The following INKA2 variants were observed in gnomAD, a reference collection of about 807,000 sequenced individuals.
INKA2 encodes inka box actin regulator 2, also known as PAK4-inhibitor INKA2.
INKA2 carries 3 observed loss-of-function variants against 9.8 expected under a neutral mutation model. The observed-to-expected ratio is 0.31, with a 90% CI of 0.14 to 0.79. The LOEUF (loss-of-function observed/expected upper bound fraction) is 0.79, where lower values mean the gene tolerates loss of function less well. INKA2 is among the 30% of genes least tolerant of loss of function. INKA2 has a pLI of 0.62. For synonymous variants in INKA2, 147 were observed against 143.3 expected, an observed-to-expected ratio of 1.03 and a Z score of -0.18; for missense variants, 392 against 384.4, an observed-to-expected ratio of 1.02 and a Z score of -0.17.
At position 111,726,140 on chromosome 1, in the gene INKA2, T is replaced by A. The variant is rs1406566478; in HGVS notation, c.*828A>T. The A allele has an allele frequency of 7.5e-6, 3 of 398,510 alleles. No homozygotes were observed. The highest frequency in any genetic ancestry group is 1.3e-5 in the Non-Finnish European group (3 of 226,044). The allele number at this position is 398,510 out of a possible 1,614,324, so 24.7% of individuals were successfully genotyped here. ...TGTTCTGCCTCCTGGCTGCAGTTGT[T>A]CCTGGACATGTAGCATATCTAGGCT... On this transcript the variant is annotated 3_prime_UTR_variant, in exon 2 of 2. Transcript: ENST00000357260.
intron 1 of INKA2, among the ~76,000 whole-genome samples, chr1:111,729,966 C>G (rs1166749672): frequency 6.6e-6 from 1 of 152,256 alleles, no homozygotes; most frequent in Non-Finnish European, 1.5e-5. Context: ...GCTCTGTGCA[C>G]TTTCCCCAAG....
At chr1:111,728,902 G>GGTTTTT (rs1557909328) in intron 1 of INKA2, among the ~76,000 whole-genome samples, 1 of 47,016 alleles carries the variant, frequency 2.1e-5, no homozygotes, top group African/African-American at 7.4e-5. Context: ...GTGGAGCTAG[G>GGTTTTT]CTTTTTTTTT....
Position 111,727,574 on chromosome 1 carries a change from T to A in INKA2, c.288A>T (p.Gln96His), listed in dbSNP as rs1662813995. 6.2e-7 allele frequency: 1 copy of A among 1,612,448 alleles called. No homozygotes were observed. The highest frequency in any genetic ancestry group is 1.3e-5 in the African/African-American group (1 of 74,882). Reference sequence around the variant, plus strand: ...ACTTGGTGCTGCTGCCAAGAGAAGGTTGACTGGAGGGGGAACAGACTGTGG... The same window carrying A: ...ACTTGGTGCTGCTGCCAAGAGAAGGATGACTGGAGGGGGAACAGACTGTGG... ...ARPTVCSPSS[Q>H]PSLGSSTKFP... is the part of the protein sequence containing the mutation. Residue 96 changes from glutamine (Q) to histidine (H), a missense_variant, in exon 2 of 2, where the codon CAA (glutamine) becomes CAT (histidine). Physicochemically the swap from Gln to His is conservative, Grantham distance 24. Transcript: ENST00000357260.
intron 1 of INKA2, among the ~76,000 whole-genome samples, chr1:111,735,479 G>C (rs1343431031): frequency 6.6e-6 from 1 of 152,064 alleles, no homozygotes; most frequent in Non-Finnish European, 1.5e-5. Context: ...AGAAAACCAA[G>C]GCACAATGAG....
chr1:111,729,599 C>CT (rs1275081266), intron 1 of INKA2, among the ~76,000 whole-genome samples: 1 of 152,226 alleles, frequency 6.6e-6, no homozygotes. Flanking sequence ...CAGCTCCCTC[C>CT]CCAGCTCCTG....
At chr1:111,739,639 CG>C (rs1663098379), upstream of INKA2, among the ~76,000 whole-genome samples, 1 of 152,190 alleles carries the variant, frequency 6.6e-6, no homozygotes. Flanking sequence ...CAGGCTGTAC[CG>C]CGGCCCCCAA....
intron 1 of INKA2, among the ~76,000 whole-genome samples, chr1:111,728,070 C>CACACACACACACACACACACACACAA (rs1184555425): frequency 6.7e-6 from 1 of 148,278 alleles, no homozygotes; most frequent in Non-Finnish European, 1.5e-5. Context: ...CACACACACA[C>CACACACACACACACACACACACACAA]ACAGACATTT....
rs1662741681 is a variant in INKA2 at position 111,725,317 on chromosome 1, CT to C, written c.*1650del. ...AGGGGCAGTGGGAGGGTGTGCCCTC[CT>C]GGCTTGGTCAGCCCAAAAGAAGATC... On this transcript the variant is annotated 3_prime_UTR_variant, in exon 2 of 2. Transcript: ENST00000357260. The C allele has an allele frequency of 6.6e-6, 1 of 152,294 alleles. No individual in the cohort carries two copies. The highest frequency in any genetic ancestry group is 1.5e-5 in the Non-Finnish European group (1 of 68,108). 9.4% of individuals were successfully genotyped at this position (152,294 alleles called of 1,614,324 possible).
In INKA2 at chr1:111,724,951, G is replaced by A. The variant is rs1662735382; in HGVS notation, c.*2017C>T. The stretch of plus-strand genomic sequence containing the variant: ...GGGTCCTTCTAAGTTTGAGAGATGT[G>A]CACATTACCTGACAGACAGTGAGTG... On this transcript the variant is annotated 3_prime_UTR_variant, in exon 2 of 2. Coordinates refer to ENST00000357260, the MANE Select transcript of INKA2 (RefSeq NM_019099.5). The A allele has an allele frequency of 6.6e-6, 1 of 152,158 alleles. No homozygotes were observed. The highest frequency in any genetic ancestry group is 1.5e-5 in the Non-Finnish European group (1 of 68,036). The allele number at this position is 152,158 out of a possible 1,614,324, so 9.4% of individuals were successfully genotyped here.
chr1:111,739,242 TGC>T lies in INKA2; in HGVS notation c.-2_-1del, dbSNP rs1557912839. ...TCCATTTCCCTGCTCTCCATCGTCA[TGC>T]GCCCATTTGTCGGGTTCGGTTCAAA... On this transcript the variant is annotated 5_prime_UTR_variant, in exon 1 of 2. Coordinates refer to ENST00000357260, the MANE Select transcript of INKA2 (RefSeq NM_019099.5). 3 of 1,613,736 alleles carry T rather than the reference TGC, an allele frequency of 1.9e-6. No homozygotes were observed. The highest frequency in any genetic ancestry group is 1.7e-6 in the Non-Finnish European group (2 of 1,179,752).
rs910811615 is a variant in INKA2, at chr1:111,722,300, G to T, written c.*4668C>A. ...GGAGGGAATGGATTTTAGGAGGACAGCCACAGCACCTTTAGGCCATTAGTT... is the reference window on the plus strand; with the variant it reads ...GGAGGGAATGGATTTTAGGAGGACATCCACAGCACCTTTAGGCCATTAGTT... On this transcript the variant is annotated 3_prime_UTR_variant, in exon 2 of 2. Coordinates refer to ENST00000357260, the MANE Select transcript of INKA2 (RefSeq NM_019099.5). 1 of 152,480 alleles carries T rather than the reference G, an allele frequency of 6.6e-6. No individual in the cohort carries two copies. Among genetic ancestry groups the T allele is most frequent in the East Asian group, 1.9e-4 (1 of 5,190 alleles). 9.4% of individuals were successfully genotyped at this position (152,480 alleles called of 1,614,324 possible). A position where few individuals can be genotyped will look rare whatever the true frequency, so the allele number is the denominator to read the frequency against.
Position 111,725,475 on chromosome 1 carries a change from G to C in INKA2, c.*1493C>G, listed in dbSNP as rs1662746789. 1 of 152,510 alleles carries C rather than the reference G, an allele frequency of 6.6e-6. No homozygotes were observed. The highest frequency in any genetic ancestry group is 1.5e-5 in the Non-Finnish European group (1 of 68,272). 9.4% of individuals were successfully genotyped at this position (152,510 alleles called of 1,614,324 possible). A position where few individuals can be genotyped will look rare whatever the true frequency, so the allele number is the denominator to read the frequency against. On this transcript the variant is annotated 3_prime_UTR_variant, in exon 2 of 2. Coordinates refer to ENST00000357260, the MANE Select transcript of INKA2 (RefSeq NM_019099.5). The stretch of plus-strand genomic sequence containing the variant: ...GGGCCACGTGCCCAGAGTGGCTTTA[G>C]AGAAGCCGGAGCTGAGCTGCTGCCT...
At chr1:111,742,690 A>G (rs1027902382), upstream of INKA2, among the ~76,000 whole-genome samples, 1 of 152,292 alleles carries the variant, frequency 6.6e-6, no homozygotes, top group Non-Finnish European at 1.5e-5. Context: ...GCCAGCTCAC[A>G]TTCCATCCAT....
At chr1:111,736,201 G>A (rs1428678245) in intron 1 of INKA2, among the ~76,000 whole-genome samples, 1 of 152,150 alleles carries the variant, frequency 6.6e-6, no homozygotes, top group Non-Finnish European at 1.5e-5. Flanking sequence ...GAAGAAGTGT[G>A]TCAGCTGCTG....
At position 111,739,222 on chromosome 1, in the gene INKA2, T is replaced by C. The variant is rs780545542; in HGVS notation, c.21A>G (p.Glu7=). 4 of 1,613,622 alleles carry C rather than the reference T, an allele frequency of 2.5e-6. No homozygotes were observed. The highest frequency in any genetic ancestry group is 2.5e-6 in the Non-Finnish European group (3 of 1,179,710). The change falls in exon 1 of 2, where the codon GAA becomes GAG. Residue 7 remains glutamate, a synonymous_variant. Coordinates refer to ENST00000357260, the MANE Select transcript of INKA2 (RefSeq NM_019099.5). MTMESR[E]MDCYLRRLKQ... ...TGAGGCGACGGAGATAGCAGTCCAT[T>C]TCCCTGCTCTCCATCGTCATGCGCC... is the stretch of plus-strand genomic sequence containing the variant.
At chr1:111,742,279 T>G (rs1054060862), upstream of INKA2, among the ~76,000 whole-genome samples, 1 of 152,168 alleles carries the variant, frequency 6.6e-6, no homozygotes. Context: ...TCTAATACTT[T>G]ATACTCCTTA....
chr1:111,727,681 C>T lies in INKA2; in HGVS notation c.181G>A (p.Gly61Ser). The change falls in exon 2 of 2, where the codon GGT becomes AGT. Residue 61 changes from glycine to serine, a missense_variant. Physicochemically the swap from Gly to Ser is moderately conservative, Grantham distance 56. Transcript: ENST00000357260. ...ALEQLEISGGGPVPGSPEGPR... is the reference protein window; with the variant it reads ...ALEQLEISGGSPVPGSPEGPR... ...CCTTCAGGGCTGCCTGGCACAGGAC[C>T]CCCTCCAGAGATCTCCAGCTGTTCC... 5 of 1,612,582 alleles carry T rather than the reference C, an allele frequency of 3.1e-6. No homozygotes were observed. Among genetic ancestry groups the T allele is most frequent in the Non-Finnish European group, 4.2e-6 (5 of 1,179,182 alleles).
chr1:111,749,812 A>G (rs1663359020), intron 1 of INKA2, among the ~76,000 whole-genome samples: 1 of 152,170 alleles, frequency 6.6e-6, no homozygotes. Context: ...GGAGCTGAAT[A>G]TGATTAGCAG....
Position 111,727,719 on chromosome 1 carries a change from A to G in INKA2, c.143T>C (p.Val48Ala). 1 of 1,613,928 alleles carries G rather than the reference A, an allele frequency of 6.2e-7. No individual in the cohort carries two copies. The highest frequency in any genetic ancestry group is 1.1e-5 in the South Asian group (1 of 91,074). Residue 48 changes from valine (V) to alanine (A), a missense_variant, in exon 2 of 2, where the codon GTG becomes GCG. Val to Ala is a moderately conservative substitution (Grantham distance 64). Coordinates refer to ENST00000357260, the MANE Select transcript of INKA2 (RefSeq NM_019099.5). The stretch of plus-strand genomic sequence containing the variant: ...CTCCAGCTGTTCCAGTGCTGTCTGC[A>G]CCTGGAGGAGCTTCAGTTCTTGCAG... ...GALQELKLLQVQTALEQLEIS... is the reference protein window; with the variant it reads ...GALQELKLLQAQTALEQLEIS...
Sources: allele counts gnomAD v4.1 joint callset (sites outside exome capture counted in the v4.1 genomes callset), GRCh38; gene constraint gnomAD v4.1.1; transcripts MANE v1.5; gene names NCBI Gene and HGNC (gene_info 2026-07-23, HGNC 2026-07-21).